FBXL17: variants seen among roughly 807,000 people sequenced by gnomAD.
FBXL17 encodes the protein F-box/LRR-repeat protein 17.
In FBXL17, 22 loss-of-function variants were observed where a neutral mutation model predicts 66.2. The observed-to-expected ratio is 0.33, with a 90% CI of 0.24 to 0.47. The LOEUF (loss-of-function observed/expected upper bound fraction) is 0.47, where lower values mean the gene tolerates loss of function less well. Ranked by LOEUF, FBXL17 falls within the 20% of genes least tolerant of loss-of-function variation. The probability of loss-of-function intolerance (pLI) is 1.00; values close to 1 mark genes in which losing one functional copy is unlikely to be tolerated. For synonymous variants in FBXL17, 474 were observed against 400.5 expected (o/e 1.18, Z -2.19); for missense variants, 878 against 948.2 (o/e 0.93, Z 0.97).
At chr5:107,973,032 A>G (rs1752431718) in intron 7 of FBXL17, among the ~76,000 whole-genome samples, 1 of 152,144 alleles carries the variant, frequency 6.6e-6, no homozygotes, top group Non-Finnish European at 1.5e-5. Context: ...AGGGCCTGGC[A>G]CCCACACTTT....
intron 8 of FBXL17, among the ~76,000 whole-genome samples, chr5:107,877,746 C>T (rs921073082): frequency 4.0e-5 from 6 of 151,802 alleles, no homozygotes; most frequent in African/African-American, 1.5e-4. Flanking sequence ...ACTGGCTCCA[C>T]TGGTGTGCAG....
chr5:107,861,888 G>C (rs777106533), intron 8 of FBXL17, 28 bp from the exon 9 acceptor site: 4 of 1,471,268 alleles, frequency 2.7e-6, no homozygotes, highest in Non-Finnish European at 2.7e-6. Context: ...TCACCATCAC[G>C]CACAGAGACC....
intron 7 of FBXL17, among the ~76,000 whole-genome samples, chr5:107,989,821 TA>T (rs533526549): frequency 1.0e-3 from 154 of 151,994 alleles, no homozygotes; most frequent in African/African-American, 3.5e-3. Context: ...TCTACATAAA[TA>T]AAAAAAATAT....
At chr5:108,378,737 A>T (rs1437360206) in intron 1 of FBXL17, among the ~76,000 whole-genome samples, 2 of 152,186 alleles carry the variant, frequency 1.3e-5, no homozygotes, top group Non-Finnish European at 2.9e-5. Context: ...CTGATGATAC[A>T]TTCGTTCGTA....
chr5:107,915,856 A>G (rs994708335), intron 7 of FBXL17, among the ~76,000 whole-genome samples: 1 of 152,228 alleles, frequency 6.6e-6, no homozygotes, highest in South Asian at 2.1e-4. Flanking sequence ...AATCAGGCTG[A>G]CATCTATTGG....
intron 7 of FBXL17, among the ~76,000 whole-genome samples, chr5:107,897,294 G>A (rs529689401): frequency 6.6e-6 from 1 of 152,096 alleles, no homozygotes; most frequent in Non-Finnish European, 1.5e-5. Flanking sequence ...ATTTAAGGCA[G>A]GAAGAGATAG....
At chr5:108,192,189 T>G (rs1753495128) in intron 5 of FBXL17, among the ~76,000 whole-genome samples, 1 of 152,212 alleles carries the variant, frequency 6.6e-6, no homozygotes, top group South Asian at 2.1e-4. Context: ...TAATCCTTCA[T>G]AGTCTCAAAC....
chr5:108,006,793 C>T (rs1034022751), intron 7 of FBXL17, among the ~76,000 whole-genome samples: 4 of 152,206 alleles, frequency 2.6e-5, no homozygotes, highest in Non-Finnish European at 5.9e-5. Flanking sequence ...ACTTTCTTCA[C>T]TGTTCAAGGA....
chr5:108,100,071 C>T (rs1749542199), intron 6 of FBXL17, among the ~76,000 whole-genome samples: 1 of 152,140 alleles, frequency 6.6e-6, no homozygotes, highest in South Asian at 2.1e-4. Context: ...CTAAGCATTT[C>T]AGGTATCATA....
chr5:108,012,055 T>C (rs1459558336), intron 7 of FBXL17, among the ~76,000 whole-genome samples: 1 of 152,208 alleles, frequency 6.6e-6, no homozygotes, highest in African/African-American at 2.4e-5. Context: ...AATAAAGAAA[T>C]AATTCTTATA....
At chr5:108,348,319 G>GA (rs1747408719) in intron 4 of FBXL17, 80 bp downstream of exon 4, 1 of 1,333,540 alleles carries the variant, frequency 7.5e-7, no homozygotes, top group Non-Finnish European at 1.0e-6. Flanking sequence ...AAAATAAGCA[G>GA]AAAAAATTAT....
chr5:108,304,352 C>A lies in FBXL17; in HGVS notation c.1506+44047G>T, dbSNP rs900408942. ...TTCATTTTAATATTCAGTAATTCAACCCAGAAGGTTTATTCAACATTTATG... is the reference window on the plus strand; with the variant it reads ...TTCATTTTAATATTCAGTAATTCAAACCAGAAGGTTTATTCAACATTTATG... On this transcript the variant is annotated intron_variant, in intron 4 of 8. Coordinates refer to ENST00000542267, the MANE Select transcript of FBXL17 (RefSeq NM_001163315.3). 3.9e-5 allele frequency among the ~76,000 whole-genome samples: 6 copies of A among 151,940 alleles called. 1 individual carries two copies. In the East Asian group the frequency reaches 1.2e-3, roughly 29 times the overall value.
At chr5:108,362,850 G>A (rs1748429362) in intron 3 of FBXL17, among the ~76,000 whole-genome samples, 1 of 151,900 alleles carries the variant, frequency 6.6e-6, no homozygotes, top group Admixed American at 6.6e-5. Context: ...ATATTCTAAA[G>A]AAATTATCAA....
intron 6 of FBXL17, among the ~76,000 whole-genome samples, chr5:108,167,985 G>C (rs911408185): frequency 1.3e-5 from 2 of 152,070 alleles, no homozygotes; most frequent in East Asian, 3.9e-4. Flanking sequence ...AGATCATATC[G>C]TTGCTCCTGG....
At chr5:108,082,874 T>C (rs1247266665) in intron 6 of FBXL17, among the ~76,000 whole-genome samples, 1 of 152,198 alleles carries the variant, frequency 6.6e-6, no homozygotes, top group Non-Finnish European at 1.5e-5. Context: ...GTTGAATTCT[T>C]CCAATAACTG....
intron 4 of FBXL17, among the ~76,000 whole-genome samples, chr5:108,335,739 A>G (rs2150247081): frequency 6.6e-6 from 1 of 152,092 alleles, no homozygotes; most frequent in Middle Eastern, 3.4e-3. Flanking sequence ...TATATTCTTA[A>G]AAAAACCCTG....
chr5:108,269,719 A>G (rs1757188477), intron 4 of FBXL17, among the ~76,000 whole-genome samples: 1 of 152,056 alleles, frequency 6.6e-6, no homozygotes, highest in African/African-American at 2.4e-5. Context: ...AAGGTCTTCC[A>G]AAGAAGAGAA....
intron 6 of FBXL17, among the ~76,000 whole-genome samples, chr5:108,102,914 T>C (rs1399693291): frequency 1.3e-4 from 20 of 152,304 alleles, no homozygotes; most frequent in Non-Finnish European, 1.9e-4. Flanking sequence ...ATAACATTTA[T>C]TATTCTAAAC....
At chr5:108,204,550 CAA>C (rs902349785) in intron 5 of FBXL17, among the ~76,000 whole-genome samples, 5 of 152,130 alleles carry the variant, frequency 3.3e-5, no homozygotes, top group Non-Finnish European at 5.9e-5. Context: ...AATAAACACA[CAA>C]GAGATTTGTG....
Sources: gnomAD v4.1 joint callset for allele counts (sites outside exome capture counted in the v4.1 genomes callset) on GRCh38, gnomAD v4.1.1 for gene constraint, MANE v1.5 for transcripts, NCBI Gene and HGNC (gene_info 2026-07-23, HGNC 2026-07-21) for gene names.